ELAPOR1: variants seen among roughly 807,000 people sequenced by gnomAD.
ELAPOR1 encodes endosome/lysosome-associated apoptosis and autophagy regulator 1.
ELAPOR1 carries 77 observed loss-of-function variants against 119.7 expected under a neutral mutation model. The observed-to-expected ratio is 0.64, with a 90% CI of 0.54 to 0.78. ELAPOR1 has a LOEUF of 0.78. ELAPOR1 is among the 30% of genes least tolerant of loss of function. ELAPOR1 has a pLI of 0.00. For synonymous variants in ELAPOR1, 481 were observed against 487.2 expected (o/e 0.99, Z 0.17); for missense variants, 1,115 against 1,270.4 (o/e 0.88, Z 1.86).
In ELAPOR1 at chr1:109,191,712, T is replaced by C; in HGVS notation, c.1546-14T>C. The C allele has an allele frequency of 6.2e-7, 1 of 1,613,946 alleles. No homozygotes were observed. Among genetic ancestry groups the C allele is most frequent in the Non-Finnish European group, 8.5e-7 (1 of 1,179,900 alleles). ...GGCCATCGCACCCGCTTCACTTGTC[T>C]GTCCTGGGTTCAGGGTGTGAATTCT... On this transcript the variant is annotated splice_polypyrimidine_tract_variant and intron_variant, in intron 12 of 21. Coordinates refer to ENST00000369939, the MANE Select transcript of ELAPOR1 (RefSeq NM_020775.5).
chr1:109,123,889 A>G (rs1648608508), intron 1 of ELAPOR1, among the ~76,000 whole-genome samples: 1 of 151,926 alleles, frequency 6.6e-6, no homozygotes, highest in African/African-American at 2.4e-5. Context: ...TGCAACCTCC[A>G]TCTCCTGGGT....
intron 1 of ELAPOR1, among the ~76,000 whole-genome samples, chr1:109,148,010 TG>T (rs1253765738): frequency 6.7e-6 from 1 of 149,586 alleles, no homozygotes; most frequent in Non-Finnish European, 1.5e-5. Context: ...TTTTTTTTTT[TG>T]TATTTTTAGT....
At position 109,200,794 on chromosome 1, in the gene ELAPOR1, C is replaced by T; in HGVS notation, c.2867C>T (p.Pro956Leu). The change falls in exon 21 of 22, where the codon CCA becomes CTA. Residue 956 changes from proline to leucine, a missense_variant. Transcript: ENST00000369939. ...MNATLKDCDL[P>L]AADSCAIMEG... ...GCTACTCTCAAGGACTGTGACCTGC[C>T]AGCAGCTGACAGCTGCGCCATCATG... 6.2e-6 allele frequency: 10 copies of T among 1,614,184 alleles called. No homozygotes were observed. Among genetic ancestry groups the T allele is most frequent in the Non-Finnish European group, 8.5e-6 (10 of 1,180,010 alleles).
intron 1 of ELAPOR1, 68 bp downstream of exon 1, chr1:109,114,404 G>A: frequency 6.8e-7 from 1 of 1,465,020 alleles, no homozygotes; most frequent in Non-Finnish European, 9.1e-7. Context: ...GAGACCTTGG[G>A]GACCCAGGCG....
At chr1:109,187,319 C>T (rs1391515720) in intron 8 of ELAPOR1, 9 of 985,358 alleles carry the variant, frequency 9.1e-6, no homozygotes, top group African/African-American at 1.7e-5. Context: ...GCTGTCGCAG[C>T]CCTCCGCAGG....
At chr1:109,182,397 T>C (rs1652753341) in intron 7 of ELAPOR1, among the ~76,000 whole-genome samples, 1 of 151,972 alleles carries the variant, frequency 6.6e-6, no homozygotes, top group South Asian at 2.1e-4. Context: ...GTTACTGCTA[T>C]CTAGTGAGTA....
intron 1 of ELAPOR1, among the ~76,000 whole-genome samples, chr1:109,133,760 G>A (rs1649293873): frequency 1.3e-5 from 2 of 152,302 alleles, no homozygotes; most frequent in East Asian, 3.8e-4. Context: ...CTTAGAGTGG[G>A]AGGAAATAGA....
rs556435391 is a variant in ELAPOR1 at position 109,150,405 on chromosome 1, G to A, written c.154-11489G>A. ...GCACCCCAGCACTGTGTTGCTAGGC[G>A]ACGGTCCAGGGATTGAGGACGGCCA... On this transcript the variant is annotated intron_variant, in intron 1 of 21. Coordinates refer to ENST00000369939, the MANE Select transcript of ELAPOR1 (RefSeq NM_020775.5). Among the ~76,000 whole-genome samples the A allele has an allele frequency of 8.5e-5, 13 of 152,328 alleles. No homozygotes were observed. In the East Asian group the frequency reaches 9.6e-4, roughly 11 times the overall value.
intron 7 of ELAPOR1, among the ~76,000 whole-genome samples, chr1:109,183,580 C>CCTTTCTTT (rs758453076): frequency 1.3e-5 from 1 of 75,300 alleles, no homozygotes; most frequent in Non-Finnish European, 3.0e-5. Flanking sequence ...TTCCTTCCTT[C>CCTTTCTTT]CTTCCTTCCT....
intron 7 of ELAPOR1, among the ~76,000 whole-genome samples, chr1:109,183,339 AAAAAAAAAAC>A (rs1558057552): frequency 1.1e-4 from 5 of 44,600 alleles, no homozygotes; most frequent in Admixed American, 2.8e-4. Flanking sequence ...AAAAAAAAAA[AAAAAAAAAAC>A]AAAAAAAAGA....
At chr1:109,188,118 AGTCCCAAAGAT>A in intron 8 of ELAPOR1, 48 bp from the exon 9 acceptor site, 2 of 1,542,906 alleles carry the variant, frequency 1.3e-6, no homozygotes, top group Non-Finnish European at 8.8e-7. Flanking sequence ...CTCAAGGTAG[AGTCCCAAAGAT>A]GTCCTAAATC....
At chr1:109,115,652 TA>T (rs1000704087) in intron 1 of ELAPOR1, among the ~76,000 whole-genome samples, 5 of 152,186 alleles carry the variant, frequency 3.3e-5, no homozygotes, top group African/African-American at 1.2e-4. Context: ...TAAATTCTTA[TA>T]AAGATGTTCT....
chr1:109,153,702 C>T lies in ELAPOR1; in HGVS notation c.154-8192C>T, dbSNP rs1049918516. On this transcript the variant is annotated intron_variant, in intron 1 of 21. Transcript: ENST00000369939. ...TTGCCCAGGCTGGAGTGCAATGGTG[C>T]GGTCTCGGTTCACTGCAACCTCTGC... Among the ~76,000 whole-genome samples, 12 of 151,886 alleles carry T rather than the reference C, an allele frequency of 7.9e-5. 1 individual carries two copies. Among genetic ancestry groups the T allele is most frequent in the South Asian group, 6.2e-4 (3 of 4,816 alleles).
chr1:109,141,796 G>T (rs967629812), intron 1 of ELAPOR1, among the ~76,000 whole-genome samples: 2 of 151,946 alleles, frequency 1.3e-5, no homozygotes, highest in African/African-American at 4.8e-5. Flanking sequence ...CTCCCAAGTA[G>T]CTGGGACCAC....
chr1:109,116,447 T>C (rs1220920488), intron 1 of ELAPOR1, among the ~76,000 whole-genome samples: 1 of 152,190 alleles, frequency 6.6e-6, no homozygotes, highest in Admixed American at 6.5e-5. Flanking sequence ...CCATGCCAGA[T>C]TGGAAATGGC....
rs1313180357 is a variant in ELAPOR1, at chr1:109,114,222, A to G, written c.39A>G (p.Arg13=). ...EPGHSHHLSA[R]VRGRTERRIP... ...GGCACAGCCACCATCTCTCCGCCAG[A>G]GTCAGGGGAAGAACTGAGAGGCGCA... is the stretch of plus-strand genomic sequence containing the variant. Residue 13 remains arginine (R), a synonymous_variant, in exon 1 of 22, where the codon AGA becomes AGG. Transcript: ENST00000369939. 1 of 1,605,018 alleles carries G rather than the reference A, an allele frequency of 6.2e-7. No individual in the cohort carries two copies. The highest frequency in any genetic ancestry group is 1.7e-5 in the Admixed American group (1 of 58,924).
intron 8 of ELAPOR1, chr1:109,186,590 CTG>C (rs1292526160): frequency 1.0e-6 from 1 of 985,338 alleles, no homozygotes; most frequent in Non-Finnish European, 1.2e-6. Context: ...GAGAGAATGG[CTG>C]TGTCTTGTCA....
At chr1:109,182,886 A>G (rs1476204892) in intron 7 of ELAPOR1, among the ~76,000 whole-genome samples, 2 of 126,190 alleles carry the variant, frequency 1.6e-5, no homozygotes, top group African/African-American at 5.8e-5. Flanking sequence ...AAAAAAAAAA[A>G]TCTCATTCCA....
At chr1:109,176,653 A>T in intron 7 of ELAPOR1, among the ~76,000 whole-genome samples, 1 of 122,564 alleles carries the variant, frequency 8.2e-6, no homozygotes. Context: ...TTTCTCGCAG[A>T]GGGGGATTTG....
Sources: allele counts gnomAD v4.1 joint callset (sites outside exome capture counted in the v4.1 genomes callset), GRCh38; gene constraint gnomAD v4.1.1; transcripts MANE v1.5; gene names NCBI Gene and HGNC (gene_info 2026-07-23, HGNC 2026-07-21).